CELF2: variants seen among roughly 807,000 people sequenced by gnomAD.
CELF2 encodes the protein CUG triplet repeat RNA-binding protein 2.
Under a neutral mutation model 62.6 loss-of-function variants are expected in CELF2, and 8 were observed. The observed-to-expected ratio is 0.13, with a 90% CI of 0.07 to 0.23. The LOEUF (loss-of-function observed/expected upper bound fraction) is 0.23, where lower values mean the gene tolerates loss of function less well. Ranked by LOEUF, CELF2 falls within the 10% of genes least tolerant of loss-of-function variation. The probability of loss-of-function intolerance (pLI) is 1.00; values close to 1 mark genes in which losing one functional copy is unlikely to be tolerated. For synonymous variants in CELF2, 258 were observed against 250.0 expected (o/e 1.03, Z -0.30); for missense variants, 333 against 671.0 (o/e 0.50, Z 5.56).
At chr10:10,500,017 C>T in the CELF2 span, among the ~76,000 whole-genome samples, 1 of 152,174 alleles carries the variant, frequency 6.6e-6, no homozygotes, top group Non-Finnish European at 1.5e-5. Flanking sequence ...TAGAGCCTCA[C>T]CGCAGAAACT....
Position 11,333,270 on chromosome 10 carries a change from T to C in CELF2, c.*4217T>C, listed in dbSNP as rs926482756. The C allele has an allele frequency of 4.6e-5, 7 of 152,676 alleles. No individual in the cohort carries two copies. The highest frequency in any genetic ancestry group is 1.7e-4 in the African/African-American group (7 of 41,578). The allele number at this position is 152,676 out of a possible 1,614,324, so 9.5% of individuals were successfully genotyped here. ...AACCTTCCACAGAGACAAACTGTCC[T>C]TCTATCCACTTTTATCTTTTAATAA... is the stretch of plus-strand genomic sequence containing the variant. On this transcript the variant is annotated 3_prime_UTR_variant, in exon 13 of 13. Transcript: ENST00000633077.
chr10:11,134,338 A>C (rs1012710423), intron 1 of CELF2, among the ~76,000 whole-genome samples: 2 of 152,192 alleles, frequency 1.3e-5, no homozygotes, highest in Admixed American at 6.5e-5. Context: ...GCGCATCTTC[A>C]CAGTAAAAAG....
the CELF2 span, among the ~76,000 whole-genome samples, chr10:10,644,634 T>G: frequency 6.6e-6 from 1 of 152,116 alleles, no homozygotes; most frequent in Non-Finnish European, 1.5e-5. Context: ...GGGCGAGGTA[T>G]AGGAAGCTGC....
At chr10:11,129,801 T>G (rs1266360249) in intron 1 of CELF2, among the ~76,000 whole-genome samples, 1 of 152,222 alleles carries the variant, frequency 6.6e-6, no homozygotes, top group African/African-American at 2.4e-5. Context: ...TCTACCAATT[T>G]TGTTGATCTT....
chr10:11,085,878 A>T (rs2046571196), intron 1 of CELF2, among the ~76,000 whole-genome samples: 1 of 151,948 alleles, frequency 6.6e-6, no homozygotes, highest in Non-Finnish European at 1.5e-5. Context: ...CCCTGGATGA[A>T]TCCAGACCTT....
At chr10:10,573,274 T>A in the CELF2 span, among the ~76,000 whole-genome samples, 1 of 152,194 alleles carries the variant, frequency 6.6e-6, no homozygotes, top group African/African-American at 2.4e-5. Flanking sequence ...GATGGATAGA[T>A]TGTAAAAGTT....
intron 1 of CELF2, among the ~76,000 whole-genome samples, chr10:10,874,318 ACT>A (rs1428452591): frequency 1.1e-4 from 17 of 151,996 alleles, no homozygotes; most frequent in African/African-American, 4.1e-4. Flanking sequence ...TGACAAAGTG[ACT>A]CTGTCTCTTA....
In CELF2 at chr10:11,288,412, C is replaced by A. The variant is rs937495299; in HGVS notation, c.842-6C>A. ...TGCTGAAAGTAACTTTCTCTTCCCT[C>A]CACAGGCATGAATGCTTTACAGTTG... On this transcript the variant is annotated splice_region_variant and splice_polypyrimidine_tract_variant and intron_variant, in intron 8 of 12. Transcript: ENST00000633077. 4 of 1,613,810 alleles carry A rather than the reference C, an allele frequency of 2.5e-6. No individual in the cohort carries two copies. Among genetic ancestry groups the A allele is most frequent in the Non-Finnish European group, 3.4e-6 (4 of 1,179,960 alleles).
At chr10:11,074,162 TA>T (rs1392618812) in intron 1 of CELF2, among the ~76,000 whole-genome samples, 1 of 152,218 alleles carries the variant, frequency 6.6e-6, no homozygotes, top group Non-Finnish European at 1.5e-5. Flanking sequence ...GCAAAATGTC[TA>T]TTTCAAAACA....
the CELF2 span, among the ~76,000 whole-genome samples, chr10:10,622,199 A>C: frequency 6.6e-6 from 1 of 152,282 alleles, no homozygotes; most frequent in Middle Eastern, 3.4e-3. Flanking sequence ...TGTGCATTCA[A>C]GGTTTGAGGT....
At chr10:10,764,000 A>ATTC in the CELF2 span, among the ~76,000 whole-genome samples, 4 of 152,260 alleles carry the variant, frequency 2.6e-5, no homozygotes, top group Admixed American at 2.6e-4. Flanking sequence ...GCTGTCTGAA[A>ATTC]GAGTTTTAAA....
Position 11,251,270 on chromosome 10 carries a change from ATTTTTTTTTTT to A in CELF2, c.403+2086_403+2096del, listed in dbSNP as rs66615560. ...TATCCCAGTACTGAAACACAAAGGG[ATTTTTTTTTTT>A]TTTTTTTTTTTTTTTTGCATTTTCT... On this transcript the variant is annotated intron_variant, in intron 4 of 12. Coordinates refer to ENST00000633077, the MANE Select transcript of CELF2 (RefSeq NM_001326342.2). Among the ~76,000 whole-genome samples the A allele has an allele frequency of 1.0e-3, 64 of 63,312 alleles. 1 individual carries two copies. Among genetic ancestry groups the A allele is most frequent in the African/African-American group, 3.2e-3 (48 of 14,974 alleles). 41.5% of individuals were successfully genotyped at this position (63,312 alleles called of 152,430 possible). A position where few individuals can be genotyped will look rare whatever the true frequency, so the allele number is the denominator to read the frequency against.
At chr10:10,480,386 T>C in the CELF2 span, among the ~76,000 whole-genome samples, 8 of 152,228 alleles carry the variant, frequency 5.3e-5, no homozygotes, top group African/African-American at 1.9e-4. Flanking sequence ...ACAGAACTCT[T>C]TTCTCTGCAC....
chr10:10,973,559 C>T (rs2050997175), intron 2 of CELF2, among the ~76,000 whole-genome samples: 1 of 152,074 alleles, frequency 6.6e-6, no homozygotes, highest in African/African-American at 2.4e-5. Flanking sequence ...TTAAAGATAG[C>T]CCTGATGTAA....
At chr10:10,704,132 T>A in the CELF2 span, among the ~76,000 whole-genome samples, 1 of 152,244 alleles carries the variant, frequency 6.6e-6, no homozygotes. Flanking sequence ...AGCAAAGATT[T>A]AATGTCTTGA....
rs754738811 is a variant in CELF2, at chr10:11,178,155, G to A, written c.271+12473G>A. Reference sequence around the variant, plus strand: ...TATGGAGTAGGCAACCTGGTTCGGCGCAAAGAGGAAATGCGCGTTCTGTGC... The same window carrying A: ...TATGGAGTAGGCAACCTGGTTCGGCACAAAGAGGAAATGCGCGTTCTGTGC... On this transcript the variant is annotated intron_variant, in intron 2 of 12. Transcript: ENST00000633077. This position sits in a 1 kb window ranked among gnomAD's most constrained non-coding sequence, Gnocchi z 4.3. 2.6e-5 allele frequency among the ~76,000 whole-genome samples: 4 copies of A among 152,198 alleles called. No individual in the cohort carries two copies. Among genetic ancestry groups the A allele is most frequent in the South Asian group, 2.1e-4 (1 of 4,828 alleles).
chr10:11,059,086 T>A (rs760400891), intron 1 of CELF2, among the ~76,000 whole-genome samples: 2 of 152,234 alleles, frequency 1.3e-5, no homozygotes, highest in Admixed American at 6.5e-5. Context: ...TCTGTCCTTC[T>A]ATTTTATGTA....
At chr10:10,752,499 A>C in the CELF2 span, among the ~76,000 whole-genome samples, 146 of 151,826 alleles carry the variant, frequency 9.6e-4, no homozygotes, top group African/African-American at 3.5e-3. Context: ...GACCATCCTG[A>C]CCAACATGGT....
chr10:10,518,448 T>C, the CELF2 span, among the ~76,000 whole-genome samples: 4 of 152,320 alleles, frequency 2.6e-5, no homozygotes, highest in East Asian at 5.8e-4. Context: ...TGACCTTTAA[T>C]AAGCTGCTTA....
Sources: allele counts gnomAD v4.1 joint callset (sites outside exome capture counted in the v4.1 genomes callset), GRCh38; gene constraint gnomAD v4.1.1; non-coding constraint Gnocchi (gnomAD v3.1); transcripts MANE v1.5; gene names NCBI Gene and HGNC (gene_info 2026-07-23, HGNC 2026-07-21).